OPHN1: variants seen among roughly 807,000 people sequenced by gnomAD.
The protein encoded by OPHN1 is oligophrenin-1.
A neutral mutation model predicts 60.7 loss-of-function variants in OPHN1; 11 were observed. The ratio of observed to expected loss-of-function variants is 0.18; its 90% confidence interval spans 0.11 to 0.30. The LOEUF is 0.30. OPHN1 is among the 10% of genes least tolerant of loss of function. The probability of loss-of-function intolerance (pLI) is 1.00; values close to 1 mark genes in which losing one functional copy is unlikely to be tolerated. For missense variants in OPHN1, 449 were observed against 611.0 expected (o/e 0.73, Z 2.80); for synonymous variants, 226 against 222.6 (o/e 1.02, Z -0.14).
intron 2 of OPHN1, among the ~76,000 whole-genome samples, chrX:68,430,001 C>A (rs1465887549): frequency 9.2e-6 from 1 of 109,167 alleles, no homozygotes; most frequent in East Asian, 2.9e-4. Flanking sequence ...TGCCACTGCA[C>A]TCTAGCCTGG....
At chrX:68,142,387 A>G (rs1391585383) in intron 15 of OPHN1, among the ~76,000 whole-genome samples, 2 of 112,393 alleles carry the variant, frequency 1.8e-5, no homozygotes, top group Admixed American at 9.4e-5. Flanking sequence ...ACTAGTTAAA[A>G]AGAATGACTT....
intron 4 of OPHN1, among the ~76,000 whole-genome samples, chrX:68,279,480 C>T (rs1157056589): frequency 1.8e-5 from 2 of 110,022 alleles, no homozygotes; most frequent in East Asian, 5.7e-4. Context: ...ATTCCTTCCC[C>T]AATTTATATT....
intron 19 of OPHN1, among the ~76,000 whole-genome samples, chrX:68,096,477 C>T (rs978829574): frequency 8.1e-5 from 9 of 111,484 alleles, no homozygotes; most frequent in Non-Finnish European, 1.7e-4. Context: ...GGGATCTCAG[C>T]CATGAAACTA....
intron 5 of OPHN1, among the ~76,000 whole-genome samples, chrX:68,265,696 G>GA (rs1384561405): frequency 1.8e-5 from 2 of 111,953 alleles, no homozygotes; most frequent in African/African-American, 6.5e-5. Context: ...TTGACGAGTT[G>GA]AGAGAAGAAG....
intron 16 of OPHN1, among the ~76,000 whole-genome samples, chrX:68,118,970 A>G (rs1421987732): frequency 8.9e-6 from 1 of 112,336 alleles, no homozygotes; most frequent in African/African-American, 3.2e-5. Context: ...ATCTGTGAAG[A>G]GCAAAACGTA....
At chrX:68,053,385 T>A (rs763729828) in intron 22 of OPHN1, among the ~76,000 whole-genome samples, 1 of 111,998 alleles carries the variant, frequency 8.9e-6, no homozygotes, top group South Asian at 3.7e-4. Flanking sequence ...AATATCACCA[T>A]ACAGAGATAA....
At chrX:68,393,195 C>T (rs2078662593) in intron 2 of OPHN1, among the ~76,000 whole-genome samples, 1 of 112,753 alleles carries the variant, frequency 8.9e-6, no homozygotes, top group Admixed American at 9.4e-5. Context: ...GCATGTCCTG[C>T]AAGTGGGGTC....
At chrX:68,344,775 TAGC>T (rs923063216) in intron 2 of OPHN1, among the ~76,000 whole-genome samples, 4 of 112,310 alleles carry the variant, frequency 3.6e-5, no homozygotes, top group Non-Finnish European at 7.5e-5. Context: ...CACATTAAAA[TAGC>T]AGACAGCAGA....
chrX:68,413,411 G>A (rs1026414158), intron 2 of OPHN1, among the ~76,000 whole-genome samples: 1 of 111,226 alleles, frequency 9.0e-6, no homozygotes, highest in Non-Finnish European at 1.9e-5. Flanking sequence ...TGCTGGAAAA[G>A]AAGATATCCC....
intron 2 of OPHN1, among the ~76,000 whole-genome samples, chrX:68,334,208 G>A (rs2048900655): frequency 9.0e-6 from 1 of 111,386 alleles, no homozygotes; most frequent in African/African-American, 3.3e-5. Context: ...GTAACAGCAT[G>A]TTTTAAATAG....
In OPHN1 at chrX:68,190,320, T is replaced by C. The variant is rs192479354; in HGVS notation, c.1276+2599A>G. Among the ~76,000 whole-genome samples the C allele has an allele frequency of 1.8e-3, 198 of 112,345 alleles. 2 individuals carry two copies. The highest frequency in any genetic ancestry group is 6.1e-3 in the African/African-American group (188 of 30,975). The stretch of plus-strand genomic sequence containing the variant: ...CAATCCACTGCCCTAAACACAATGA[T>C]TGATGCCCGGGTAGGCACACAAATA... On this transcript the variant is annotated intron_variant, in intron 15 of 24. Transcript: ENST00000355520.
At chrX:68,063,470 G>A (rs1233830352) in intron 21 of OPHN1, among the ~76,000 whole-genome samples, 5 of 107,777 alleles carry the variant, frequency 4.6e-5, no homozygotes, top group African/African-American at 6.8e-5. Flanking sequence ...GCAGTGAGCC[G>A]AGATCACGTC....
At chrX:68,192,766 C>T in intron 15 of OPHN1, 153 bp downstream of exon 15, 1 of 485,009 alleles carries the variant, frequency 2.1e-6, no homozygotes, top group Non-Finnish European at 3.6e-6. Context: ...TTGACTCTGC[C>T]CAGGGTGGGC....
chrX:68,150,964 T>C (rs189308928), intron 15 of OPHN1, among the ~76,000 whole-genome samples: 2 of 112,049 alleles, frequency 1.8e-5, no homozygotes, highest in East Asian at 5.6e-4. Flanking sequence ...TCTGTGTGTA[T>C]GTAAAATTTA....
intron 19 of OPHN1, among the ~76,000 whole-genome samples, chrX:68,079,126 T>G (rs1273223305): frequency 4.5e-5 from 5 of 111,435 alleles, no homozygotes; most frequent in Non-Finnish European, 7.5e-5. Context: ...GGAGAATGCC[T>G]CTACCTATGC....
chrX:68,339,691 C>A (rs1049576522), intron 2 of OPHN1, among the ~76,000 whole-genome samples: 5 of 111,891 alleles, frequency 4.5e-5, no homozygotes, highest in Non-Finnish European at 9.4e-5. Flanking sequence ...CACCCTCTGC[C>A]TCCCAGGTTC....
At position 68,046,903 on chromosome X, in the gene OPHN1, C is replaced by T. The variant is rs1044799097; in HGVS notation, c.*269G>A. 1 of 111,559 alleles carries T rather than the reference C, an allele frequency of 9.0e-6. No individual in the cohort carries two copies. The highest frequency in any genetic ancestry group is 3.3e-5 in the African/African-American group (1 of 30,633). The allele number at this position is 111,559 out of a possible 1,213,427, so 9.2% of individuals were successfully genotyped here. On this transcript the variant is annotated 3_prime_UTR_variant, in exon 25 of 25. Coordinates refer to ENST00000355520, the MANE Select transcript of OPHN1 (RefSeq NM_002547.3). Reference sequence around the variant, plus strand: ...ATATCTTGGTTTTGGCAGAGTCTGGCTTGAGGGAGTCCAGCTCTTCACAGT... The same window carrying T: ...ATATCTTGGTTTTGGCAGAGTCTGGTTTGAGGGAGTCCAGCTCTTCACAGT...
At chrX:68,165,015 C>T (rs73526556) in intron 15 of OPHN1, among the ~76,000 whole-genome samples, 5,893 of 111,602 alleles carry the variant, frequency 0.053, 389 homozygotes, top group African/African-American at 0.18. Context: ...GCTTCCTCAC[C>T]ATTCTGAAGC....
At chrX:68,392,966 G>A (rs926109299) in intron 2 of OPHN1, among the ~76,000 whole-genome samples, 4 of 111,452 alleles carry the variant, frequency 3.6e-5, no homozygotes, top group Non-Finnish European at 7.5e-5. Flanking sequence ...ACAAGAGCTC[G>A]GGATACAGAA....
Sources: allele counts gnomAD v4.1 joint callset (sites outside exome capture counted in the v4.1 genomes callset), GRCh38; gene constraint gnomAD v4.1.1; transcripts MANE v1.5; gene names NCBI Gene and HGNC (gene_info 2026-07-23, HGNC 2026-07-21).